The following ZEB1 variants were observed in gnomAD, a reference collection of about 807,000 sequenced individuals.
The protein encoded by ZEB1 is zinc finger E-box binding homeobox 1.
In ZEB1, 21 loss-of-function variants were observed where a neutral mutation model predicts 84.9. That is an observed-to-expected ratio of 0.25 (90% CI 0.18 to 0.36). The LOEUF is 0.36. ZEB1 is among the 10% of genes least tolerant of loss of function. The pLI is 1.00. For synonymous variants in ZEB1, 420 were observed against 471.1 expected, an observed-to-expected ratio of 0.89 and a Z score of 1.41; for missense variants, 1,104 against 1,330.2, an observed-to-expected ratio of 0.83 and a Z score of 2.65.
chr10:31,353,504 A>G (rs752430460), intron 1 of ZEB1, among the ~76,000 whole-genome samples: 9 of 152,166 alleles, frequency 5.9e-5, no homozygotes, highest in Non-Finnish European at 1.0e-4. Context: ...ATTCTGTTCT[A>G]CCTTCTATTT....
chr10:31,448,710 C>G (rs1050324681), intron 1 of ZEB1, among the ~76,000 whole-genome samples: 1 of 152,074 alleles, frequency 6.6e-6, no homozygotes, highest in African/African-American at 2.4e-5. Context: ...GGGGTGCCTC[C>G]CAGTTAGGCT....
chr10:31,508,049 G>A (rs1016914909), intron 4 of ZEB1, among the ~76,000 whole-genome samples: 7 of 152,038 alleles, frequency 4.6e-5, no homozygotes, highest in Non-Finnish European at 7.4e-5. Flanking sequence ...GATATCTTTC[G>A]TTATAAATAG....
intron 7 of ZEB1, among the ~76,000 whole-genome samples, chr10:31,523,713 G>A (rs1450653042): frequency 1.3e-5 from 2 of 152,128 alleles, no homozygotes; most frequent in African/African-American, 4.8e-5. Context: ...GGTTTTGACT[G>A]TGTTATCCCC....
At chr10:31,403,393 C>T (rs2052422347) in intron 1 of ZEB1, among the ~76,000 whole-genome samples, 1 of 151,860 alleles carries the variant, frequency 6.6e-6, no homozygotes, top group South Asian at 2.1e-4. Flanking sequence ...ACTTAACCTA[C>T]ATTCTCCTCT....
intron 1 of ZEB1, chr10:31,361,067 T>C (rs2042966918): frequency 6.2e-7 from 1 of 1,611,768 alleles, no homozygotes; most frequent in Admixed American, 1.7e-5. Context: ...ATAATCAGAC[T>C]TCTTTTCTCT....
At chr10:31,469,377 G>A (rs1347294474) in intron 2 of ZEB1, among the ~76,000 whole-genome samples, 1 of 152,192 alleles carries the variant, frequency 6.6e-6, no homozygotes, top group African/African-American at 2.4e-5. Flanking sequence ...AGCCGAAGCA[G>A]GGTGAGGCAT....
chr10:31,484,130 C>T (rs1337908513), intron 2 of ZEB1, among the ~76,000 whole-genome samples: 1 of 151,964 alleles, frequency 6.6e-6, no homozygotes, highest in African/African-American at 2.4e-5. Context: ...CTCTCTTTCA[C>T]TTTTAAGAGC....
At chr10:31,522,545 T>C (rs895711642) in intron 7 of ZEB1, among the ~76,000 whole-genome samples, 1 of 152,164 alleles carries the variant, frequency 6.6e-6, no homozygotes, top group Non-Finnish European at 1.5e-5. Context: ...TGCATTTTCC[T>C]CCTTAACTAT....
At chr10:31,417,869 GAC>G (rs1217058601) in intron 1 of ZEB1, among the ~76,000 whole-genome samples, 4 of 152,042 alleles carry the variant, frequency 2.6e-5, no homozygotes, top group Admixed American at 1.3e-4. Context: ...ATCATGAAAA[GAC>G]AGTCTATTCT....
At chr10:31,474,824 A>G (rs1339027511) in intron 2 of ZEB1, among the ~76,000 whole-genome samples, 3 of 152,160 alleles carry the variant, frequency 2.0e-5, no homozygotes, top group African/African-American at 7.2e-5. Flanking sequence ...ATGTCCAACA[A>G]TGATAGACTG....
At chr10:31,438,420 C>T (rs193095990) in intron 1 of ZEB1, among the ~76,000 whole-genome samples, 1 of 152,288 alleles carries the variant, frequency 6.6e-6, no homozygotes, top group East Asian at 1.9e-4. Flanking sequence ...ACATAGTATT[C>T]ATCAACTAAT....
At chr10:31,348,812 A>G (rs2040799580) in intron 1 of ZEB1, among the ~76,000 whole-genome samples, 1 of 152,180 alleles carries the variant, frequency 6.6e-6, no homozygotes, top group African/African-American at 2.4e-5. Flanking sequence ...ATCTTCTGTT[A>G]TTTGTTTAAA....
rs2370488 is a variant in ZEB1 at position 31,335,208 on chromosome 10, C to T, written c.58+15916C>T. On this transcript the variant is annotated intron_variant, in intron 1 of 8. Coordinates refer to ENST00000424869, the MANE Select transcript of ZEB1 (RefSeq NM_001174096.2). Reference sequence around the variant, plus strand: ...AAAAATTCATATGTTTTAAATTGTACGCCCAGGATGTGGATCCTCCCTTTG... The same window carrying T: ...AAAAATTCATATGTTTTAAATTGTATGCCCAGGATGTGGATCCTCCCTTTG... 9.9e-3 allele frequency among the ~76,000 whole-genome samples: 1,507 copies of T among 152,104 alleles called. 20 individuals are homozygous for T. The highest frequency in any genetic ancestry group is 0.011 in the Non-Finnish European group (763 of 67,934).
In ZEB1 at chr10:31,402,906, G is replaced by A. The variant is rs547168623; in HGVS notation, c.59-58131G>A. On this transcript the variant is annotated intron_variant, in intron 1 of 8. Coordinates refer to ENST00000424869, the MANE Select transcript of ZEB1 (RefSeq NM_001174096.2). ...GAATTGGATGTATAAAGCCAAACTT[G>A]GAAAAAGCATTCTGCAATTTTTCTT... Among the ~76,000 whole-genome samples, 38 of 152,096 alleles carry A rather than the reference G, an allele frequency of 2.5e-4. No homozygotes were observed. The South Asian group carries it at 5.6e-3, about 22-fold the overall frequency.
intron 1 of ZEB1, among the ~76,000 whole-genome samples, chr10:31,409,290 T>C (rs2053762158): frequency 1.3e-5 from 2 of 152,086 alleles, no homozygotes. Context: ...ACTTTTACAC[T>C]GTTGGTGGGA....
chr10:31,393,813 T>G (rs188276146), intron 1 of ZEB1, among the ~76,000 whole-genome samples: 1 of 152,344 alleles, frequency 6.6e-6, no homozygotes, highest in African/African-American at 2.4e-5. Context: ...GCTTATATCT[T>G]TTTGTGTATA....
At chr10:31,432,122 A>G (rs905893190) in intron 1 of ZEB1, among the ~76,000 whole-genome samples, 7 of 152,252 alleles carry the variant, frequency 4.6e-5, no homozygotes, top group African/African-American at 1.7e-4. Flanking sequence ...AAGTGCTAAT[A>G]ACTACCTTCA....
chr10:31,346,762 T>A (rs1043848288), intron 1 of ZEB1, among the ~76,000 whole-genome samples: 1 of 152,144 alleles, frequency 6.6e-6, no homozygotes, highest in Non-Finnish European at 1.5e-5. Flanking sequence ...ACTTAAATCT[T>A]GTCAAATTAC....
intron 1 of ZEB1, among the ~76,000 whole-genome samples, chr10:31,326,582 A>G (rs1003658639): frequency 1.3e-5 from 2 of 152,208 alleles, no homozygotes; most frequent in African/African-American, 4.8e-5. Flanking sequence ...AAGAGATAAG[A>G]TGACTTTGCC....
Sources: gnomAD v4.1 joint callset for allele counts (sites outside exome capture counted in the v4.1 genomes callset) on GRCh38, gnomAD v4.1.1 for gene constraint, MANE v1.5 for transcripts, NCBI Gene and HGNC (gene_info 2026-07-23, HGNC 2026-07-21) for gene names.